Variants in LRMDA observed in about 807,000 individuals in gnomAD.
The protein encoded by LRMDA is leucine-rich melanocyte differentiation-associated protein.
LRMDA carries 18 observed loss-of-function variants against 29.8 expected under a neutral mutation model. That is an observed-to-expected ratio of 0.60 (90% CI 0.42 to 0.90). The LOEUF (loss-of-function observed/expected upper bound fraction) is 0.90. LRMDA is among the 40% of genes least tolerant of loss of function. The pLI is 0.00. For missense variants in LRMDA, 273 were observed against 273.9 expected (o/e 1.00, Z 0.02); for synonymous variants, 125 against 109.4 (o/e 1.14, Z -0.89).
chr10:75,635,723 G>C (rs912855335), intron 2 of LRMDA, among the ~76,000 whole-genome samples: 1 of 151,810 alleles, frequency 6.6e-6, no homozygotes, highest in Non-Finnish European at 1.5e-5. Flanking sequence ...TTATTTTCCT[G>C]ATTACATTGT....
chr10:76,257,975 G>A (rs936042036), intron 5 of LRMDA, among the ~76,000 whole-genome samples: 1 of 152,180 alleles, frequency 6.6e-6, no homozygotes, highest in African/African-American at 2.4e-5. Flanking sequence ...CCCTTAACAG[G>A]AGAAGGAAAA....
intron 6 of LRMDA, among the ~76,000 whole-genome samples, chr10:76,540,074 G>A (rs578060685): frequency 6.0e-5 from 9 of 150,934 alleles, no homozygotes; most frequent in African/African-American, 1.9e-4. Flanking sequence ...TGTAGTATGT[G>A]TATTGTATAA....
chr10:75,523,643 G>T (rs1224666597), intron 2 of LRMDA, among the ~76,000 whole-genome samples: 1 of 152,154 alleles, frequency 6.6e-6, no homozygotes. Flanking sequence ...AAACGAAAGA[G>T]GGAGCTATAA....
chr10:75,553,857 C>A (rs1840182893), intron 2 of LRMDA, among the ~76,000 whole-genome samples: 1 of 152,056 alleles, frequency 6.6e-6, no homozygotes, highest in Non-Finnish European at 1.5e-5. Context: ...CTTAATCTCT[C>A]TTGTGAGCAC....
At chr10:76,116,002 G>A (rs1313422019) in intron 5 of LRMDA, among the ~76,000 whole-genome samples, 1 of 152,170 alleles carries the variant, frequency 6.6e-6, no homozygotes, top group African/African-American at 2.4e-5. Context: ...GCTCAGACTT[G>A]TGGGAAGCAC....
chr10:75,701,173 T>C (rs1435011022), intron 2 of LRMDA, among the ~76,000 whole-genome samples: 1 of 152,192 alleles, frequency 6.6e-6, no homozygotes, highest in African/African-American at 2.4e-5. Context: ...TGTGCTCAGC[T>C]TTCTTGTGGC....
At chr10:75,735,873 T>C (rs1483464452) in intron 2 of LRMDA, among the ~76,000 whole-genome samples, 5 of 151,948 alleles carry the variant, frequency 3.3e-5, no homozygotes, top group Non-Finnish European at 7.4e-5. Context: ...ACACAGAGAG[T>C]CAGACACACA....
chr10:76,538,970 G>T (rs1400499827), intron 6 of LRMDA, among the ~76,000 whole-genome samples: 1 of 151,914 alleles, frequency 6.6e-6, no homozygotes, highest in Non-Finnish European at 1.5e-5. Flanking sequence ...GAGTAGCAAT[G>T]ATTATGCCTG....
intron 2 of LRMDA, among the ~76,000 whole-genome samples, chr10:75,799,680 T>TTGTGTGTG (rs57575125): frequency 0.017 from 2,262 of 136,150 alleles, 61 homozygotes; most frequent in African/African-American, 0.058. Flanking sequence ...ATTCCTAGCT[T>TTGTGTGTG]TGTGTGTGTG....
chr10:76,154,735 A>T (rs781257412), intron 5 of LRMDA, among the ~76,000 whole-genome samples: 2 of 152,200 alleles, frequency 1.3e-5, no homozygotes, highest in Non-Finnish European at 2.9e-5. Flanking sequence ...TTCAGCATCA[A>T]ATAGTATAGA....
intron 5 of LRMDA, among the ~76,000 whole-genome samples, chr10:76,128,075 G>A (rs1295431763): frequency 1.3e-5 from 2 of 152,186 alleles, no homozygotes; most frequent in African/African-American, 2.4e-5. Context: ...TTGTTTAGAG[G>A]TGAAAGGAGA....
intron 5 of LRMDA, among the ~76,000 whole-genome samples, chr10:76,100,576 A>G (rs1256899529): frequency 6.6e-6 from 1 of 152,146 alleles, no homozygotes; most frequent in Admixed American, 6.5e-5. Context: ...CTCATTGATG[A>G]GTCCTGCCTC....
At chr10:76,473,430 T>C (rs1842637481) in intron 6 of LRMDA, among the ~76,000 whole-genome samples, 1 of 151,544 alleles carries the variant, frequency 6.6e-6, no homozygotes, top group Non-Finnish European at 1.5e-5. Flanking sequence ...AAAGATTGAA[T>C]GTTTTCCCCC....
intron 5 of LRMDA, among the ~76,000 whole-genome samples, chr10:76,234,377 G>T (rs1852113556): frequency 6.6e-6 from 1 of 152,138 alleles, no homozygotes; most frequent in African/African-American, 2.4e-5. Flanking sequence ...TAGCACACAG[G>T]CAGAGTAGAT....
intron 2 of LRMDA, among the ~76,000 whole-genome samples, chr10:75,473,194 A>G (rs1008232170): frequency 6.6e-6 from 1 of 152,200 alleles, no homozygotes; most frequent in Non-Finnish European, 1.5e-5. Context: ...ATGAGATTGG[A>G]TGTAAATCAA....
At position 75,857,063 on chromosome 10, in the gene LRMDA, T is replaced by A. The variant is rs535905930; in HGVS notation, c.132-178945T>A. ...ACAGACAAAAATGAGCGATTTAAAC[T>A]TACTCCCTGGCATGTGACCTCTGGC... On this transcript the variant is annotated intron_variant, in intron 2 of 6. Transcript: ENST00000611255. Among the ~76,000 whole-genome samples, 3 of 152,288 alleles carry A rather than the reference T, an allele frequency of 2.0e-5. No homozygotes were observed. In the East Asian group the frequency reaches 5.8e-4, roughly 29 times the overall value.
intron 2 of LRMDA, among the ~76,000 whole-genome samples, chr10:75,792,202 T>A (rs181629451): frequency 6.7e-6 from 1 of 150,268 alleles, no homozygotes; most frequent in East Asian, 2.0e-4. Flanking sequence ...GCAGCTGCTA[T>A]TGCCTAAATG....
chr10:75,540,131 A>G (rs933937072), intron 2 of LRMDA, among the ~76,000 whole-genome samples: 1 of 152,190 alleles, frequency 6.6e-6, no homozygotes, highest in Non-Finnish European at 1.5e-5. Context: ...ATAAAGCAGG[A>G]GTAAAGGGTT....
chr10:76,263,791 G>A (rs1296727455), intron 5 of LRMDA, among the ~76,000 whole-genome samples: 1 of 152,244 alleles, frequency 6.6e-6, no homozygotes, highest in Admixed American at 6.5e-5. Flanking sequence ...GTGACCCTGA[G>A]AGGGATAAAA....
Sources: gnomAD v4.1 joint callset for allele counts (sites outside exome capture counted in the v4.1 genomes callset) on GRCh38, gnomAD v4.1.1 for gene constraint, MANE v1.5 for transcripts, NCBI Gene and HGNC (gene_info 2026-07-23, HGNC 2026-07-21) for gene names.